Variants in SMC6 observed in about 807,000 individuals in gnomAD.
The protein encoded by SMC6 is structural maintenance of chromosomes protein 6.
A neutral mutation model predicts 142.2 loss-of-function variants in SMC6; 79 were observed. The ratio of observed to expected loss-of-function variants is 0.56; its 90% CI spans 0.46 to 0.67. The LOEUF (loss-of-function observed/expected upper bound fraction) is 0.67, where lower values mean the gene tolerates loss of function less well. Among genes scored for constraint, SMC6 ranks in the 30% least tolerant of loss-of-function variants. The probability of loss-of-function intolerance (pLI) is 0.00; values close to 1 mark genes in which losing one functional copy is unlikely to be tolerated. For synonymous variants in SMC6, 411 were observed against 412.4 expected (o/e 1.00, Z 0.04); for missense variants, 1,072 against 1,284.0 (o/e 0.83, Z 2.52).
Position 17,700,366 on chromosome 2 carries a change from G to A in SMC6, c.2236C>T (p.Gln746Ter). The change falls in exon 21 of 28, where the codon CAG (glutamine) becomes TAG (stop). Residue 746 changes from glutamine (Q) to a stop codon, truncating the protein, a stop_gained. Transcript: ENST00000448223. LOFTEE classifies it high-confidence loss of function. Reference protein sequence around the residue: ...VDIATLEDEAQENKSKMKMVE... With the variant: ...VDIATLEDEA Reference sequence around the variant, plus strand: ...ATTTTCATTTTGCTTTTATTTTCCTGAGCTTCATCTTCCTGATAAAATTTA... The same window carrying A: ...ATTTTCATTTTGCTTTTATTTTCCTAAGCTTCATCTTCCTGATAAAATTTA... 2 of 1,597,744 alleles carry A rather than the reference G, an allele frequency of 1.3e-6. No individual in the cohort carries two copies. Among genetic ancestry groups the A allele is most frequent in the Non-Finnish European group, 1.7e-6 (2 of 1,174,212 alleles).
chr2:17,694,156 A>G (rs1667881122), intron 23 of SMC6, among the ~76,000 whole-genome samples: 1 of 152,114 alleles, frequency 6.6e-6, no homozygotes, highest in East Asian at 1.9e-4. Context: ...AGTTGACTTC[A>G]TGGAGGTAGA....
chr2:17,694,219 G>C (rs984779193), intron 23 of SMC6, among the ~76,000 whole-genome samples: 9 of 151,928 alleles, frequency 5.9e-5, no homozygotes, highest in African/African-American at 2.2e-4. Flanking sequence ...GGATGGGAGG[G>C]GTAATTAAAA....
At chr2:17,690,850 G>A (rs549462826) in intron 23 of SMC6, among the ~76,000 whole-genome samples, 4 of 151,858 alleles carry the variant, frequency 2.6e-5, no homozygotes, top group African/African-American at 9.7e-5. Flanking sequence ...AAGGCCACAC[G>A]CTGTTTAGGC....
Position 17,737,270 on chromosome 2 carries a change from T to C in SMC6, c.344+951A>G, listed in dbSNP as rs141864664. Among the ~76,000 whole-genome samples, 6 of 152,300 alleles carry C rather than the reference T, an allele frequency of 3.9e-5. No individual in the cohort carries two copies. The East Asian group carries it at 1.2e-3, about 29-fold the overall frequency. ...ATCCTGTCTTTGTTCTATTCTTTAG[T>C]AATAAAATAGAAGGTAAATGGATAT... On this transcript the variant is annotated intron_variant, in intron 5 of 27. Coordinates refer to ENST00000448223, the MANE Select transcript of SMC6 (RefSeq NM_001142286.2).
intron 2 of SMC6, among the ~76,000 whole-genome samples, chr2:17,752,505 C>T (rs150496288): frequency 2.4e-4 from 36 of 152,234 alleles, no homozygotes; most frequent in Non-Finnish European, 4.7e-4. Flanking sequence ...AGAGGTGGTA[C>T]CAACCTGCTC....
At chr2:17,694,329 T>C (rs1295034830) in intron 23 of SMC6, among the ~76,000 whole-genome samples, 2 of 152,162 alleles carry the variant, frequency 1.3e-5, no homozygotes, top group African/African-American at 4.8e-5. Flanking sequence ...GTAAGGAGAT[T>C]TGAAATGTTC....
chr2:17,744,786 A>T (rs558131907), intron 3 of SMC6, among the ~76,000 whole-genome samples: 1 of 152,306 alleles, frequency 6.6e-6, no homozygotes, highest in South Asian at 2.1e-4. Flanking sequence ...TTTAGTCATG[A>T]ACAGGTGTTG....
At chr2:17,730,978 A>T in intron 7 of SMC6, 100 bp downstream of exon 7, 1 of 835,180 alleles carries the variant, frequency 1.2e-6, no homozygotes, top group Non-Finnish European at 2.0e-6. Flanking sequence ...TGGTCAGTTT[A>T]CTCATATGAG....
intron 23 of SMC6, among the ~76,000 whole-genome samples, chr2:17,692,618 G>C (rs887277755): frequency 6.6e-6 from 1 of 152,150 alleles, no homozygotes; most frequent in Non-Finnish European, 1.5e-5. Flanking sequence ...GGAAACCCTA[G>C]GCAAACCATT....
chr2:17,738,775 C>T (rs562987148), intron 4 of SMC6, among the ~76,000 whole-genome samples: 75 of 152,320 alleles, frequency 4.9e-4, no homozygotes, highest in Non-Finnish European at 8.7e-4. Context: ...GCCTCAGCCT[C>T]CTCAGTAGCC....
At chr2:17,675,197 T>A (rs1666944983) in intron 25 of SMC6, among the ~76,000 whole-genome samples, 1 of 152,110 alleles carries the variant, frequency 6.6e-6, no homozygotes, top group African/African-American at 2.4e-5. Flanking sequence ...GAGATTGCAA[T>A]ATGTATTGCT....
chr2:17,691,944 T>C (rs183266770), intron 23 of SMC6, among the ~76,000 whole-genome samples: 7,359 of 152,154 alleles, frequency 0.048, 219 homozygotes, highest in Middle Eastern at 0.11. Context: ...ATGAGTGAAC[T>C]CCCATTCACA....
chr2:17,668,369 G>A (rs1410079032), intron 26 of SMC6, among the ~76,000 whole-genome samples: 1 of 152,066 alleles, frequency 6.6e-6, no homozygotes, highest in African/African-American at 2.4e-5. Context: ...GCACTCACAG[G>A]TATAAATTCT....
Position 17,707,237 on chromosome 2 carries a change from T to G in SMC6, c.1988A>C (p.Asp663Ala). 3 of 1,594,524 alleles carry G rather than the reference T, an allele frequency of 1.9e-6. No individual in the cohort carries two copies. The highest frequency in any genetic ancestry group is 2.6e-6 in the Non-Finnish European group (3 of 1,172,004). Residue 663 changes from aspartate to alanine, a missense_variant, in exon 18 of 28, where the codon GAT (aspartate) becomes GCT (alanine). Physicochemically the swap from Asp to Ala is moderately radical, Grantham distance 126. Around this residue, in one of 3 missense-constraint regions of SMC6, gnomAD observed 994 missense variants for 1,153.2 expected, o/e 0.86. Transcript: ENST00000448223. ...CTCTAACCTTATTTCAGAATCCACATCTCTGCTTAGGAACTTAGGTCTTGT... is the reference window on the plus strand; with the variant it reads ...CTCTAACCTTATTTCAGAATCCACAGCTCTGCTTAGGAACTTAGGTCTTGT... ...ENTRPKFLSR[D>A]VDSEISDLEN...
At chr2:17,734,090 A>G (rs1397146085) in intron 5 of SMC6, among the ~76,000 whole-genome samples, 1 of 152,134 alleles carries the variant, frequency 6.6e-6, no homozygotes, top group Non-Finnish European at 1.5e-5. Flanking sequence ...CACAGAGGAG[A>G]GTTGCAGAAC....
At chr2:17,673,163 C>G (rs1256100182) in intron 25 of SMC6, among the ~76,000 whole-genome samples, 1 of 152,122 alleles carries the variant, frequency 6.6e-6, no homozygotes, top group Non-Finnish European at 1.5e-5. Context: ...ACTAACAGCG[C>G]TTTTTCATGT....
Position 17,741,667 on chromosome 2 carries a change from C to A in SMC6, c.183G>T (p.Met61Ile), listed in dbSNP as rs750358192. The A allele has an allele frequency of 1.9e-6, 3 of 1,612,046 alleles. No homozygotes were observed. The highest frequency in any genetic ancestry group is 1.7e-5 in the Admixed American group (1 of 59,762). Residue 61 changes from methionine to isoleucine, a missense_variant, in exon 4 of 28, where the codon ATG becomes ATT. This residue lies in a region of SMC6 where 994 missense variants were observed against 1,153.2 expected (regional missense o/e 0.86). Coordinates refer to ENST00000448223, the MANE Select transcript of SMC6 (RefSeq NM_001142286.2). ...TAGAACCAAACTTAAAAGGTCCAAGCATTGAATGACACATGAAGTTTTTTA... is the reference window on the plus strand; with the variant it reads ...TAGAACCAAACTTAAAAGGTCCAAGAATTGAATGACACATGAAGTTTTTTA... ...IHLKNFMCHS[M>I]LGPFKFGSNV... is the part of the protein sequence containing the mutation.
chr2:17,706,824 G>A (rs1668534189), intron 18 of SMC6, among the ~76,000 whole-genome samples: 2 of 152,052 alleles, frequency 1.3e-5, no homozygotes, highest in South Asian at 2.1e-4. Context: ...TACCAATCAG[G>A]GACATTATAA....
intron 23 of SMC6, among the ~76,000 whole-genome samples, chr2:17,689,567 T>G (rs1667608468): frequency 6.6e-6 from 1 of 152,246 alleles, no homozygotes; most frequent in African/African-American, 2.4e-5. Context: ...TATGTGTGCA[T>G]GTATACATGC....
Sources: allele counts gnomAD v4.1 joint callset (sites outside exome capture counted in the v4.1 genomes callset), GRCh38; gene constraint gnomAD v4.1.1; regional missense constraint gnomAD v4.1.1; transcripts MANE v1.5; gene names NCBI Gene and HGNC (gene_info 2026-07-23, HGNC 2026-07-21).